The following CDC73 variants were observed in gnomAD, a reference collection of about 807,000 sequenced individuals.
CDC73 encodes the protein parafibromin.
In CDC73, 21 loss-of-function variants were observed where a neutral mutation model predicts 83.7. That is an observed-to-expected ratio of 0.25 (90% CI 0.18 to 0.36). CDC73 has a LOEUF of 0.36. CDC73 is among the 10% of genes least tolerant of loss of function. The pLI is 1.00. For missense variants in CDC73, 342 were observed against 653.3 expected (o/e 0.52, Z 5.19); for synonymous variants, 224 against 212.9 (o/e 1.05, Z -0.45).
At chr1:193,200,842 G>T (rs1411865773) in intron 10 of CDC73, among the ~76,000 whole-genome samples, 3 of 152,078 alleles carry the variant, frequency 2.0e-5, no homozygotes, top group Admixed American at 6.6e-5. Flanking sequence ...GTGGAGGGTG[G>T]TGGGGTTGAT....
intron 10 of CDC73, among the ~76,000 whole-genome samples, chr1:193,192,139 C>A (rs1164390765): frequency 1.3e-5 from 2 of 151,932 alleles, no homozygotes; most frequent in South Asian, 4.1e-4. Flanking sequence ...GTAGTAGATA[C>A]GAATAGAAAG....
At position 193,122,031 on chromosome 1, in the gene CDC73, G is replaced by T; in HGVS notation, c.-170G>T. The T allele has an allele frequency of 1.6e-6, 1 of 637,846 alleles. No individual in the cohort carries two copies. Among genetic ancestry groups the T allele is most frequent in the Non-Finnish European group, 2.8e-6 (1 of 361,968 alleles). The allele number at this position is 637,846 out of a possible 1,614,324, so 39.5% of individuals were successfully genotyped here. On this transcript the variant is annotated 5_prime_UTR_variant, in exon 1 of 17. Coordinates refer to ENST00000367435, the MANE Select transcript of CDC73 (RefSeq NM_024529.5). ...CGCGGGGTCCTCGGCGGCCTGGGTG[G>T]CTACTGCCCCTGCTGCTGTCGTAGG...
chr1:193,165,155 T>C (rs1422846316), intron 10 of CDC73, among the ~76,000 whole-genome samples: 1 of 152,174 alleles, frequency 6.6e-6, no homozygotes, highest in Non-Finnish European at 1.5e-5. Context: ...TACCTGAGAT[T>C]GCAGGTGTAT....
intron 10 of CDC73, among the ~76,000 whole-genome samples, chr1:193,188,111 T>A (rs916209784): frequency 2.0e-5 from 3 of 152,236 alleles, no homozygotes; most frequent in Admixed American, 6.5e-5. Flanking sequence ...AGGATTTGAC[T>A]ATGAAGCTAG....
intron 15 of CDC73, among the ~76,000 whole-genome samples, chr1:193,242,339 C>T (rs538165281): frequency 1.3e-5 from 2 of 152,290 alleles, no homozygotes; most frequent in Non-Finnish European, 2.9e-5. Context: ...TCATGTGGCT[C>T]TCCCCTGGCT....
At chr1:193,126,123 GTATT>G (rs977174262) in intron 2 of CDC73, among the ~76,000 whole-genome samples, 34 of 152,240 alleles carry the variant, frequency 2.2e-4, no homozygotes, top group African/African-American at 7.0e-4. Context: ...AACGCTAAAA[GTATT>G]TATAGAGATG....
At chr1:193,183,097 A>G (rs1053773280) in intron 10 of CDC73, among the ~76,000 whole-genome samples, 17 of 151,978 alleles carry the variant, frequency 1.1e-4, no homozygotes, top group Admixed American at 1.1e-3. Context: ...TAGAATTTAC[A>G]TGGAAATCCT....
Position 193,254,622 on chromosome 1 carries a change from A to G in CDC73, c.*3910A>G, listed in dbSNP as rs1389616443. On this transcript the variant is annotated 3_prime_UTR_variant, in exon 17 of 17. Coordinates refer to ENST00000367435, the MANE Select transcript of CDC73 (RefSeq NM_024529.5). ...ATGTATAATAGATGTATAAAGATTTATATTTAGTTAGTATATAATAGATAA... is the reference window on the plus strand; with the variant it reads ...ATGTATAATAGATGTATAAAGATTTGTATTTAGTTAGTATATAATAGATAA... Among the ~76,000 whole-genome samples the G allele has an allele frequency of 6.6e-6, 1 of 152,152 alleles. No homozygotes were observed. The highest frequency in any genetic ancestry group is 1.5e-5 in the Non-Finnish European group (1 of 68,012).
chr1:193,148,935 T>A (rs976242948), intron 8 of CDC73, among the ~76,000 whole-genome samples: 4 of 152,144 alleles, frequency 2.6e-5, no homozygotes, highest in African/African-American at 7.2e-5. Flanking sequence ...TTTAAAACTC[T>A]GTTTCAAGTT....
intron 11 of CDC73, among the ~76,000 whole-genome samples, chr1:193,211,698 G>A (rs986854564): frequency 2.8e-4 from 42 of 152,198 alleles, no homozygotes; most frequent in African/African-American, 9.6e-4. Context: ...CACATCCTGG[G>A]TGGGGCAGTG....
chr1:193,152,465 A>T, intron 10 of CDC73, 21 bp downstream of exon 10: 1 of 1,539,380 alleles, frequency 6.5e-7, no homozygotes, highest in African/African-American at 1.4e-5. Flanking sequence ...TTGGCTGTAG[A>T]TGTTCTTTTG....
chr1:193,210,958 C>T (rs1016525761), intron 11 of CDC73, among the ~76,000 whole-genome samples: 5 of 152,164 alleles, frequency 3.3e-5, no homozygotes, highest in African/African-American at 9.7e-5. Flanking sequence ...AATGGTTAAG[C>T]GTATTCGCAC....
chr1:193,158,769 G>C (rs181271688), intron 10 of CDC73, among the ~76,000 whole-genome samples: 4 of 152,090 alleles, frequency 2.6e-5, no homozygotes, highest in African/African-American at 9.6e-5. Context: ...CCCCTTAAAT[G>C]AAACACTATT....
chr1:193,191,156 A>T (rs1369313353), intron 10 of CDC73, among the ~76,000 whole-genome samples: 3 of 152,220 alleles, frequency 2.0e-5, no homozygotes, highest in Non-Finnish European at 4.4e-5. Context: ...TACAGTGTAC[A>T]GTGAGGGAAG....
rs538732044 is a variant in CDC73, at chr1:193,124,035, A to G, written c.132-1077A>G. On this transcript the variant is annotated intron_variant, in intron 1 of 16. Transcript: ENST00000367435. ...GGCTAAATGATGGGTTAAGTCTTCC[A>G]AGATGAGTGAACTGTATACTTAAAG... Among the ~76,000 whole-genome samples, 3 of 152,380 alleles carry G rather than the reference A, an allele frequency of 2.0e-5. No homozygotes were observed. In the South Asian group the frequency reaches 6.2e-4, roughly 32 times the overall value.
At chr1:193,217,619 T>G (rs1032310891) in intron 13 of CDC73, among the ~76,000 whole-genome samples, 1 of 152,104 alleles carries the variant, frequency 6.6e-6, no homozygotes, top group Admixed American at 6.5e-5. Context: ...TGTCTTCTTC[T>G]GCTGATATGC....
intron 10 of CDC73, among the ~76,000 whole-genome samples, chr1:193,195,582 T>A (rs1676989945): frequency 6.6e-6 from 1 of 152,190 alleles, no homozygotes; most frequent in Non-Finnish European, 1.5e-5. Flanking sequence ...CATACACTTT[T>A]CACAATAGCT....
At chr1:193,191,194 G>A (rs1163117614) in intron 10 of CDC73, among the ~76,000 whole-genome samples, 2 of 152,038 alleles carry the variant, frequency 1.3e-5, no homozygotes, top group African/African-American at 2.4e-5. Flanking sequence ...TCTAAACTTG[G>A]CCAATGGTTC....
At chr1:193,192,813 G>T (rs768671926) in intron 10 of CDC73, among the ~76,000 whole-genome samples, 3 of 152,208 alleles carry the variant, frequency 2.0e-5, no homozygotes, top group Non-Finnish European at 4.4e-5. Context: ...CACGTGTGTG[G>T]TTAATTAATC....
Sources: gnomAD v4.1 joint callset for allele counts (sites outside exome capture counted in the v4.1 genomes callset) on GRCh38, gnomAD v4.1.1 for gene constraint, MANE v1.5 for transcripts, NCBI Gene and HGNC (gene_info 2026-07-23, HGNC 2026-07-21) for gene names.